CYP19A1: variants seen among roughly 807,000 people sequenced by gnomAD.
CYP19A1 encodes aromatase.
A neutral mutation model predicts 44.4 loss-of-function variants in CYP19A1; 32 were observed. The observed-to-expected ratio is 0.72, with a 90% CI of 0.54 to 0.97. CYP19A1 has a LOEUF of 0.97. Ranked by LOEUF, CYP19A1 falls within the 50% of genes least tolerant of loss-of-function variation. The pLI is 0.00. For synonymous variants in CYP19A1, 212 were observed against 215.6 expected, an observed-to-expected ratio of 0.98 and a Z score of 0.14; for missense variants, 598 against 637.8, an observed-to-expected ratio of 0.94 and a Z score of 0.67.
At chr15:51,327,492 CTT>C (rs749237607) in intron 1 of CYP19A1, among the ~76,000 whole-genome samples, 3 of 143,686 alleles carry the variant, frequency 2.1e-5, no homozygotes, top group Non-Finnish European at 1.5e-5. Context: ...TGACATTGTT[CTT>C]TTTTTTTTTT....
At chr15:51,335,764 C>T (rs889953210) in intron 1 of CYP19A1, among the ~76,000 whole-genome samples, 3 of 152,138 alleles carry the variant, frequency 2.0e-5, no homozygotes, top group African/African-American at 7.2e-5. Context: ...CTCCCCATCC[C>T]ACACACACGT....
chr15:51,267,523 G>C (rs1251257678), intron 1 of CYP19A1, among the ~76,000 whole-genome samples: 1 of 152,312 alleles, frequency 6.6e-6, no homozygotes, highest in Non-Finnish European at 1.5e-5. Context: ...TGTACGCCGA[G>C]GTCTGCGCCG....
chr15:51,239,426 C>T (rs1566888173), intron 2 of CYP19A1, among the ~76,000 whole-genome samples: 1 of 152,150 alleles, frequency 6.6e-6, no homozygotes, highest in Non-Finnish European at 1.5e-5. Flanking sequence ...GCAATTAAAC[C>T]ATGAGATATT....
chr15:51,330,991 T>C (rs1241116920), intron 1 of CYP19A1, among the ~76,000 whole-genome samples: 1 of 151,952 alleles, frequency 6.6e-6, no homozygotes, highest in African/African-American at 2.4e-5. Flanking sequence ...GAAGCGCAGA[T>C]GAGGAGTATA....
chr15:51,307,690 G>A (rs2036239720), intron 1 of CYP19A1, among the ~76,000 whole-genome samples: 1 of 152,162 alleles, frequency 6.6e-6, no homozygotes, highest in African/African-American at 2.4e-5. Context: ...GTCAACTTCT[G>A]GGTTTGCCTC....
At chr15:51,300,643 G>T (rs1328081470) in intron 1 of CYP19A1, among the ~76,000 whole-genome samples, 1 of 152,186 alleles carries the variant, frequency 6.6e-6, no homozygotes, top group Non-Finnish European at 1.5e-5. Context: ...TGCAGCATGT[G>T]AGCAGTACCA....
At chr15:51,259,372 A>G (rs2034631928) in intron 1 of CYP19A1, among the ~76,000 whole-genome samples, 1 of 152,238 alleles carries the variant, frequency 6.6e-6, no homozygotes, top group Admixed American at 6.5e-5. Context: ...TGGTATAATG[A>G]AAGAACCCAG....
At position 51,237,028 on chromosome 15, in the gene CYP19A1, C is replaced by T; in HGVS notation, c.146-19G>A. ...CCAGGACCTAGGACAGGTGTCAGAG[C>T]ATAAGCAACATCTTAGTTACACCAA... On this transcript the variant is annotated intron_variant, in intron 2 of 9. Coordinates refer to ENST00000396402, the MANE Select transcript of CYP19A1 (RefSeq NM_000103.4). The T allele has an allele frequency of 6.2e-7, 1 of 1,613,996 alleles. No individual in the cohort carries two copies. The highest frequency in any genetic ancestry group is 8.5e-7 in the Non-Finnish European group (1 of 1,179,888).
At chr15:51,214,229 G>A (rs754974846) in intron 8 of CYP19A1, among the ~76,000 whole-genome samples, 4 of 152,208 alleles carry the variant, frequency 2.6e-5, no homozygotes, top group Non-Finnish European at 5.9e-5. Flanking sequence ...TTACTTATGT[G>A]AAGGAAGTGT....
At chr15:51,254,391 T>C (rs929579397) in intron 1 of CYP19A1, among the ~76,000 whole-genome samples, 8 of 152,244 alleles carry the variant, frequency 5.3e-5, no homozygotes, top group African/African-American at 1.4e-4. Context: ...CTTCAGTGAT[T>C]GATTGAAGGA....
At chr15:51,211,198 A>G in intron 9 of CYP19A1, 142 bp from the exon 10 acceptor site, 1 of 692,162 alleles carries the variant, frequency 1.4e-6, no homozygotes, top group Non-Finnish European at 2.6e-6. Context: ...CCTCAGATGA[A>G]CAACTGGAAC....
At chr15:51,277,290 T>C (rs930372684) in intron 1 of CYP19A1, 4 of 152,222 alleles carry the variant, frequency 2.6e-5, no homozygotes, top group Non-Finnish European at 5.9e-5. Context: ...GGGTTTATAA[T>C]TACGCAATCT....
intron 1 of CYP19A1, among the ~76,000 whole-genome samples, chr15:51,251,750 G>A (rs1209013038): frequency 6.6e-6 from 1 of 152,200 alleles, no homozygotes; most frequent in Non-Finnish European, 1.5e-5. Context: ...CAAACAGTCA[G>A]ATAGCAGCAG....
chr15:51,324,708 G>A (rs1566926745), intron 1 of CYP19A1, among the ~76,000 whole-genome samples: 1 of 152,214 alleles, frequency 6.6e-6, no homozygotes, highest in Admixed American at 6.5e-5. Context: ...TTAAAATTGA[G>A]AAAAAGCAAT....
At chr15:51,325,836 CAAAAAAAAAAA>C (rs61378264) in intron 1 of CYP19A1, among the ~76,000 whole-genome samples, 4 of 57,190 alleles carry the variant, frequency 7.0e-5, no homozygotes, top group Middle Eastern at 0.056. Context: ...GACTCCGTCT[CAAAAAAAAAAA>C]AAAAAAAAAA....
intron 1 of CYP19A1, among the ~76,000 whole-genome samples, chr15:51,307,604 G>A (rs1182133374): frequency 6.6e-6 from 1 of 152,114 alleles, no homozygotes; most frequent in Non-Finnish European, 1.5e-5. Flanking sequence ...GGTGCAGGTT[G>A]GTGCCAAAAG....
intron 1 of CYP19A1, among the ~76,000 whole-genome samples, chr15:51,308,174 A>G (rs923291034): frequency 1.3e-5 from 2 of 152,228 alleles, no homozygotes; most frequent in African/African-American, 4.8e-5. Context: ...GCTGCCCCTC[A>G]CTGACCACTC....
chr15:51,251,244 C>T (rs913785199), intron 1 of CYP19A1, among the ~76,000 whole-genome samples: 4 of 152,218 alleles, frequency 2.6e-5, no homozygotes, highest in African/African-American at 9.6e-5. Context: ...GTAGCAAAGA[C>T]GGAAGGTCCC....
rs752685768 is a variant in CYP19A1 at position 51,222,422 on chromosome 15, C to G, written c.555G>C (p.Val185=). 1 of 1,614,132 alleles carries G rather than the reference C, an allele frequency of 6.2e-7. No homozygotes were observed. Among genetic ancestry groups the G allele is most frequent in the South Asian group, 1.1e-5 (1 of 91,082 alleles). ...CACGACGCAGAAGGGTCAACACGTCCACATAGCCCGATTCATTGGTCACCT... is the reference window on the plus strand; with the variant it reads ...CACGACGCAGAAGGGTCAACACGTCGACATAGCCCGATTCATTGGTCACCT... ...LEEVTNESGY[V]DVLTLLRRVM... Residue 185 remains valine, a synonymous_variant, in exon 5 of 10, where the codon GTG becomes GTC. Coordinates refer to ENST00000396402, the MANE Select transcript of CYP19A1 (RefSeq NM_000103.4).
Sources: allele counts gnomAD v4.1 joint callset (sites outside exome capture counted in the v4.1 genomes callset), GRCh38; gene constraint gnomAD v4.1.1; transcripts MANE v1.5; gene names NCBI Gene and HGNC (gene_info 2026-07-23, HGNC 2026-07-21).